CSMD1: variants seen among roughly 807,000 people sequenced by gnomAD.
CSMD1 encodes the protein CUB and Sushi multiple domains 1.
CSMD1 carries 213 observed loss-of-function variants against 417.5 expected under a neutral mutation model. The ratio of observed to expected loss-of-function variants is 0.51; its 90% CI spans 0.46 to 0.57. The LOEUF is 0.57. Among genes scored for constraint, CSMD1 ranks in the 20% least tolerant of loss-of-function variants. The pLI is 0.00. For missense variants in CSMD1, 6,923 were observed against 4,529.7 expected (o/e 1.53, Z -15.17); for synonymous variants, 2,862 against 1,736.8 (o/e 1.65, Z -16.11).
intron 5 of CSMD1, among the ~76,000 whole-genome samples, chr8:3,886,020 T>C (rs1186953239): frequency 6.6e-6 from 1 of 151,970 alleles, no homozygotes; most frequent in Admixed American, 6.6e-5. Flanking sequence ...TGTGTACATA[T>C]ATATACATAC....
chr8:4,843,969 C>T (rs35035599), intron 1 of CSMD1, among the ~76,000 whole-genome samples: 2 of 152,108 alleles, frequency 1.3e-5, no homozygotes, highest in Non-Finnish European at 2.9e-5. Flanking sequence ...GTGTGTTTCT[C>T]ATGAATCAGC....
intron 3 of CSMD1, among the ~76,000 whole-genome samples, chr8:4,297,627 G>C (rs984815612): frequency 1.3e-5 from 2 of 152,030 alleles, no homozygotes; most frequent in African/African-American, 4.8e-5. Context: ...AATTGAACTT[G>C]ACCTTTCAAA....
At chr8:4,457,629 T>A (rs909453651) in intron 2 of CSMD1, among the ~76,000 whole-genome samples, 4 of 152,126 alleles carry the variant, frequency 2.6e-5, no homozygotes, top group Non-Finnish European at 4.4e-5. Context: ...CCAATCATCA[T>A]AAATATTTAT....
intron 2 of CSMD1, among the ~76,000 whole-genome samples, chr8:4,433,484 C>T (rs200230174): frequency 7.9e-5 from 12 of 152,154 alleles, no homozygotes; most frequent in African/African-American, 2.7e-4. Flanking sequence ...TCTGCAAGCG[C>T]GGCCAAGTGT....
At chr8:4,406,342 A>C (rs772986628) in intron 3 of CSMD1, among the ~76,000 whole-genome samples, 2 of 152,256 alleles carry the variant, frequency 1.3e-5, no homozygotes, top group South Asian at 4.1e-4. Flanking sequence ...ACTCAAAATG[A>C]CAGAATTTAG....
chr8:3,793,643 G>A (rs1799874493), intron 5 of CSMD1, among the ~76,000 whole-genome samples: 1 of 152,012 alleles, frequency 6.6e-6, no homozygotes, highest in Admixed American at 6.6e-5. Context: ...CACCTCAATT[G>A]CTTGGATGAT....
intron 21 of CSMD1, among the ~76,000 whole-genome samples, chr8:3,357,698 C>CT (rs1423911519): frequency 6.6e-6 from 1 of 152,160 alleles, no homozygotes; most frequent in Non-Finnish European, 1.5e-5. Context: ...AGATTTCAAA[C>CT]TATCTCAGTC....
At chr8:2,978,176 C>A (rs555772973) in intron 55 of CSMD1, among the ~76,000 whole-genome samples, 1 of 152,130 alleles carries the variant, frequency 6.6e-6, no homozygotes, top group Admixed American at 6.5e-5. Flanking sequence ...CTTCTTTGGC[C>A]GTAGATGCCA....
At chr8:3,996,253 G>A (rs928465655) in intron 5 of CSMD1, among the ~76,000 whole-genome samples, 23 of 152,114 alleles carry the variant, frequency 1.5e-4, no homozygotes, top group Non-Finnish European at 7.4e-5. Context: ...CCTCTGGACT[G>A]TCCTAAAAAT....
chr8:4,434,720 G>T (rs1003218862), intron 2 of CSMD1, among the ~76,000 whole-genome samples: 1 of 152,142 alleles, frequency 6.6e-6, no homozygotes, highest in Non-Finnish European at 1.5e-5. Flanking sequence ...GCCCCTGACA[G>T]TGCTCATCCG....
chr8:4,073,366 G>C (rs1258348495), intron 3 of CSMD1, among the ~76,000 whole-genome samples: 1 of 152,072 alleles, frequency 6.6e-6, no homozygotes, highest in Admixed American at 6.6e-5. Context: ...TAAGAGCAAG[G>C]TCGTACTTAA....
chr8:3,445,139 A>T (rs1815218928), intron 12 of CSMD1, among the ~76,000 whole-genome samples: 1 of 152,216 alleles, frequency 6.6e-6, no homozygotes, highest in Admixed American at 6.5e-5. Flanking sequence ...ATATACTTAC[A>T]ACCTACATCA....
chr8:3,883,329 T>C (rs1806331066), intron 5 of CSMD1, among the ~76,000 whole-genome samples: 1 of 152,170 alleles, frequency 6.6e-6, no homozygotes, highest in Non-Finnish European at 1.5e-5. Context: ...ACACACAATG[T>C]CCTGGACACT....
chr8:4,855,339 C>T (rs1801735699), intron 1 of CSMD1, among the ~76,000 whole-genome samples: 1 of 152,060 alleles, frequency 6.6e-6, no homozygotes, highest in Non-Finnish European at 1.5e-5. Flanking sequence ...AAACTGGAAA[C>T]TCCAAAAAGC....
At chr8:3,393,302 T>C (rs1198384426) in intron 17 of CSMD1, among the ~76,000 whole-genome samples, 2 of 152,184 alleles carry the variant, frequency 1.3e-5, no homozygotes, top group Non-Finnish European at 2.9e-5. Flanking sequence ...GTGAGGCCTC[T>C]GCTCACTTCT....
intron 3 of CSMD1, among the ~76,000 whole-genome samples, chr8:4,196,845 T>C (rs1027668220): frequency 6.6e-6 from 1 of 152,198 alleles, no homozygotes; most frequent in Non-Finnish European, 1.5e-5. Context: ...ATATTTAGCC[T>C]GCACATGCCT....
intron 6 of CSMD1, among the ~76,000 whole-genome samples, chr8:3,751,530 A>T (rs1797343101): frequency 6.7e-6 from 1 of 149,854 alleles, no homozygotes; most frequent in African/African-American, 2.4e-5. Flanking sequence ...CTTCTATAAT[A>T]TATACAAGAA....
intron 3 of CSMD1, among the ~76,000 whole-genome samples, chr8:4,203,133 C>A (rs1002867999): frequency 2.0e-5 from 3 of 152,142 alleles, no homozygotes; most frequent in African/African-American, 7.2e-5. Flanking sequence ...TTCTTAAAAG[C>A]TGAAAACCTT....
intron 5 of CSMD1, among the ~76,000 whole-genome samples, chr8:3,969,023 G>C (rs1812886858): frequency 6.6e-6 from 1 of 152,198 alleles, no homozygotes; most frequent in African/African-American, 2.4e-5. Context: ...GGCCGAGGCA[G>C]GTGGATCACT....
Sources: gnomAD v4.1 joint callset for allele counts (sites outside exome capture counted in the v4.1 genomes callset) on GRCh38, gnomAD v4.1.1 for gene constraint, MANE v1.5 for transcripts, NCBI Gene and HGNC (gene_info 2026-07-23, HGNC 2026-07-21) for gene names.